The following CACNA1G variants were observed in gnomAD, a reference collection of about 807,000 sequenced individuals.
The protein encoded by CACNA1G is voltage-dependent T-type calcium channel subunit alpha-1G.
CACNA1G carries 67 observed loss-of-function variants against 219.4 expected under a neutral mutation model. That is an observed-to-expected ratio of 0.31 (90% CI 0.25 to 0.37). The LOEUF (loss-of-function observed/expected upper bound fraction) is 0.37. CACNA1G is among the 10% of genes least tolerant of loss of function. The probability of loss-of-function intolerance (pLI) is 1.00; values close to 1 mark genes in which losing one functional copy is unlikely to be tolerated. For missense variants in CACNA1G, 2,380 were observed against 3,231.4 expected (o/e 0.74, Z 6.39); for synonymous variants, 1,296 against 1,345.3 (o/e 0.96, Z 0.80).
chr17:50,615,519 G>A lies in CACNA1G; in HGVS notation c.4911+7G>A. 6.2e-7 allele frequency: 1 copy of A among 1,612,108 alleles called. No individual in the cohort carries two copies. Among genetic ancestry groups the A allele is most frequent in the Admixed American group, 1.7e-5 (1 of 59,944 alleles). The stretch of plus-strand genomic sequence containing the variant: ...GCACTACCAGCAGCCCCAGGTAGGA[G>A]CGAGTGGACCAGCCATCTGGCCCCC... On this transcript the variant is annotated splice_region_variant and intron_variant, in intron 27 of 37. Transcript: ENST00000359106.
At chr17:50,594,666 G>C (rs1026609978) in intron 13 of CACNA1G, among the ~76,000 whole-genome samples, 2 of 152,286 alleles carry the variant, frequency 1.3e-5, no homozygotes, top group South Asian at 4.1e-4. Flanking sequence ...GAAGCCAGCT[G>C]GTGTTAAGGA....
chr17:50,578,893 T>C lies in CACNA1G; in HGVS notation c.2301+329T>C, dbSNP rs1462217019. On this transcript the variant is annotated intron_variant, in intron 9 of 37. Coordinates refer to ENST00000359106, the MANE Select transcript of CACNA1G (RefSeq NM_018896.5). This position sits in a 1 kb window ranked among gnomAD's most constrained non-coding sequence, Gnocchi z 4.5. ...GGAGAGGCGCGTCACTGGGAGATGTTTGGGTCTTTGGAGAAGGTGTAGTGC... is the reference window on the plus strand; with the variant it reads ...GGAGAGGCGCGTCACTGGGAGATGTCTGGGTCTTTGGAGAAGGTGTAGTGC... Among the ~76,000 whole-genome samples, 3 of 152,074 alleles carry C rather than the reference T, an allele frequency of 2.0e-5. No homozygotes were observed. The highest frequency in any genetic ancestry group is 4.4e-5 in the Non-Finnish European group (3 of 67,968).
chr17:50,568,463 A>G (rs937972782), intron 1 of CACNA1G, among the ~76,000 whole-genome samples: 6 of 152,366 alleles, frequency 3.9e-5, no homozygotes, highest in Middle Eastern at 3.4e-3. Context: ...TTAGGTTTGT[A>G]TAACACATTC....
At position 50,578,040 on chromosome 17, in the gene CACNA1G, A is replaced by G. The variant is rs1186676036; in HGVS notation, c.1925-148A>G. 1.2e-6 allele frequency: 1 copy of G among 863,502 alleles called. No individual in the cohort carries two copies. The allele number at this position is 863,502 out of a possible 1,614,324, so 53.5% of individuals were successfully genotyped here. A position where few individuals can be genotyped will look rare whatever the true frequency, so the allele number is the denominator to read the frequency against. ...GGGTCAAGACTGCCCACCTTGCCTG[A>G]CATTCAGCACCCCTGGCCCACTAAG... On this transcript the variant is annotated intron_variant, in intron 8 of 37. Transcript: ENST00000359106. This position sits in a 1 kb window ranked among gnomAD's most constrained non-coding sequence, Gnocchi z 4.5.
chr17:50,572,472 C>A, intron 5 of CACNA1G, 82 bp from the exon 6 acceptor site: 1 of 1,216,558 alleles, frequency 8.2e-7, no homozygotes. Context: ...CTCGAGCACT[C>A]GTGCCATCTC....
At chr17:50,591,718 G>T (rs753935909) in intron 11 of CACNA1G, 21 bp from the exon 12 acceptor site, 1 of 1,613,038 alleles carries the variant, frequency 6.2e-7, no homozygotes, top group Non-Finnish European at 8.5e-7. Context: ...TCCCTAGCTT[G>T]TGGCCCCCTT....
chr17:50,585,003 C>T (rs929085595), intron 9 of CACNA1G, among the ~76,000 whole-genome samples: 1 of 152,166 alleles, frequency 6.6e-6, no homozygotes, highest in Non-Finnish European at 1.5e-5. Context: ...GGCAAGGGCA[C>T]TTACCTGGGC....
chr17:50,608,372 AG>A (rs990078585), intron 25 of CACNA1G, among the ~76,000 whole-genome samples: 3 of 151,990 alleles, frequency 2.0e-5, no homozygotes, highest in Non-Finnish European at 4.4e-5. Flanking sequence ...CAGCATCCAG[AG>A]GCCCAGGGTG....
rs1403442817 is a variant in CACNA1G at position 50,600,085 on chromosome 17, G to A, written c.3690+226G>A. 6.6e-6 allele frequency among the ~76,000 whole-genome samples: 1 copy of A among 152,200 alleles called. No individual in the cohort carries two copies. The highest frequency in any genetic ancestry group is 1.5e-5 in the Non-Finnish European group (1 of 68,034). On this transcript the variant is annotated intron_variant, in intron 17 of 37. Coordinates refer to ENST00000359106, the MANE Select transcript of CACNA1G (RefSeq NM_018896.5). This position sits in a 1 kb window ranked among gnomAD's most constrained non-coding sequence, Gnocchi z 4.1. Reference sequence around the variant, plus strand: ...GGGCTGCGGCTCTGCCACCCTTGGTGGATATGAATGATTTTGGACAGATGT... The same window carrying A: ...GGGCTGCGGCTCTGCCACCCTTGGTAGATATGAATGATTTTGGACAGATGT...
chr17:50,624,355 C>A lies in CACNA1G; in HGVS notation c.6230-5C>A. The A allele has an allele frequency of 1.3e-6, 2 of 1,570,540 alleles. No homozygotes were observed. Among genetic ancestry groups the A allele is most frequent in the Admixed American group, 1.8e-5 (1 of 54,370 alleles). Reference sequence around the variant, plus strand: ...CACCCCTCCCCCGCTTCCCTCCCTCCACAGGCTCCGTCTTGTCCGTTCACT... The same window carrying A: ...CACCCCTCCCCCGCTTCCCTCCCTCAACAGGCTCCGTCTTGTCCGTTCACT... On this transcript the variant is annotated splice_polypyrimidine_tract_variant and splice_region_variant and intron_variant, in intron 36 of 37. Transcript: ENST00000359106.
rs1349728381 is a variant in CACNA1G, at chr17:50,620,542, T to A, written c.5925+716T>A. 1.3e-5 allele frequency among the ~76,000 whole-genome samples: 2 copies of A among 152,062 alleles called. 1 individual carries two copies. The highest frequency in any genetic ancestry group is 1.3e-4 in the Admixed American group (2 of 15,272). On this transcript the variant is annotated intron_variant, in intron 34 of 37. Transcript: ENST00000359106. ...TCCTGCCCTCCTCCCCTCCCCTTGA[T>A]CCCCTCACCACGACCCACTACCACG...
At chr17:50,584,562 A>G (rs928621090) in intron 9 of CACNA1G, among the ~76,000 whole-genome samples, 16 of 124,538 alleles carry the variant, frequency 1.3e-4, no homozygotes, top group African/African-American at 4.9e-4. Context: ...TAATGGATGC[A>G]GGCATAACTG....
At position 50,569,869 on chromosome 17, in the gene CACNA1G, C is replaced by T; in HGVS notation, c.586+66C>T. The T allele has an allele frequency of 1.3e-5, 16 of 1,199,738 alleles. 1 individual carries two copies. The South Asian group carries it at 1.7e-4, about 13-fold the overall frequency. 74.3% of individuals were successfully genotyped at this position (1,199,738 alleles called of 1,614,324 possible). A position where few individuals can be genotyped will look rare whatever the true frequency, so the allele number is the denominator to read the frequency against. Reference sequence around the variant, plus strand: ...AGGAGGAAATGTGGAACTCTCAGACCCCACCTCTACTACTGTGTCCTCACC... The same window carrying T: ...AGGAGGAAATGTGGAACTCTCAGACTCCACCTCTACTACTGTGTCCTCACC... On this transcript the variant is annotated intron_variant, in intron 4 of 37. Coordinates refer to ENST00000359106, the MANE Select transcript of CACNA1G (RefSeq NM_018896.5).
In CACNA1G at chr17:50,578,333, C is replaced by T. The variant is rs372572750; in HGVS notation, c.2070C>T (p.Ser690=). 6.4e-5 allele frequency: 104 copies of T among 1,613,270 alleles called. No individual in the cohort carries two copies. The African/African-American group carries it at 1.1e-3, about 17-fold the overall frequency. The change falls in exon 9 of 38, where the codon AGC becomes AGT. Residue 690 remains serine, a synonymous_variant. Transcript: ENST00000359106. This position sits in a 1 kb window ranked among gnomAD's most constrained non-coding sequence, Gnocchi z 4.5. ...ACCGTGAAATGCCTGACTCAGACAG[C>T]GAGGCAGTTTATGAGTTCACACAGG... The part of the protein sequence containing the change: ...LADREMPDSD[S]EAVYEFTQDA...
chr17:50,607,718 T>A, intron 24 of CACNA1G, 109 bp from the exon 25 acceptor site: 1 of 858,844 alleles, frequency 1.2e-6, no homozygotes, highest in South Asian at 1.5e-5. Flanking sequence ...CCATCGCCTG[T>A]CAGGCGGCTG....
In CACNA1G at chr17:50,596,351, G is replaced by T. The variant is rs929443379; in HGVS notation, c.2980-211G>T. Among the ~76,000 whole-genome samples the T allele has an allele frequency of 1.3e-5, 2 of 152,216 alleles. No individual in the cohort carries two copies. Among genetic ancestry groups the T allele is most frequent in the Admixed American group, 1.3e-4 (2 of 15,294 alleles). On this transcript the variant is annotated intron_variant, in intron 14 of 37. Transcript: ENST00000359106. The surrounding 1 kb of genome is among the most constrained non-coding windows in gnomAD (Gnocchi z 4.8). ...CACATAAGCTGTGGCCTTTTCTGAG[G>T]TGTGGCTGGAGAGGCAGAGGTGGTG... is the stretch of plus-strand genomic sequence containing the variant.
rs374553116 is a variant in CACNA1G at position 50,578,594 on chromosome 17, G to A, written c.2301+30G>A. 34 of 1,518,342 alleles carry A rather than the reference G, an allele frequency of 2.2e-5. No individual in the cohort carries two copies. The highest frequency in any genetic ancestry group is 2.9e-5 in the Non-Finnish European group (33 of 1,132,972). 94.1% of individuals were successfully genotyped at this position (1,518,342 alleles called of 1,614,324 possible). ...GAGAGTGGGCAGAGGCAGGGCTCCT[G>A]CCAGCTGCTTTTCGCCTGGGGCTGG... On this transcript the variant is annotated intron_variant, in intron 9 of 37. Transcript: ENST00000359106. This position sits in a 1 kb window ranked among gnomAD's most constrained non-coding sequence, Gnocchi z 4.5.
chr17:50,591,626 G>T lies in CACNA1G; in HGVS notation c.2639+6G>T. The T allele has an allele frequency of 2.5e-6, 4 of 1,612,614 alleles. No individual in the cohort carries two copies. Among genetic ancestry groups the T allele is most frequent in the East Asian group, 4.5e-5 (2 of 44,850 alleles). On this transcript the variant is annotated splice_donor_region_variant and intron_variant, in intron 11 of 37. Coordinates refer to ENST00000359106, the MANE Select transcript of CACNA1G (RefSeq NM_018896.5). ...CTCTTCATCTTCATCTTCAGGTGAG[G>T]GCGGCATGGCACCTTGCCGGCTGAG...
chr17:50,605,629 T>C (rs1360655153), intron 22 of CACNA1G, among the ~76,000 whole-genome samples: 1 of 152,238 alleles, frequency 6.6e-6, no homozygotes, highest in Non-Finnish European at 1.5e-5. Context: ...ACGCCTGGCC[T>C]AACCGTTGGT....
Sources: allele counts gnomAD v4.1 joint callset (sites outside exome capture counted in the v4.1 genomes callset), GRCh38; gene constraint gnomAD v4.1.1; non-coding constraint Gnocchi (gnomAD v3.1); transcripts MANE v1.5; gene names NCBI Gene and HGNC (gene_info 2026-07-23, HGNC 2026-07-21).